The following FAT3 variants were observed in gnomAD, a reference collection of about 807,000 sequenced individuals.
The protein encoded by FAT3 is protocadherin Fat 3.
A neutral mutation model predicts 310.2 loss-of-function variants in FAT3; 95 were observed. That is an observed-to-expected ratio of 0.31 (90% CI 0.26 to 0.36). The LOEUF (loss-of-function observed/expected upper bound fraction) is 0.36, where lower values mean the gene tolerates loss of function less well. Ranked by LOEUF, FAT3 falls within the 10% of genes least tolerant of loss-of-function variation. FAT3 has a pLI of 1.00. For synonymous variants in FAT3, 2,314 were observed against 2,192.9 expected, an observed-to-expected ratio of 1.06 and a Z score of -1.54; for missense variants, 5,408 against 5,715.6, an observed-to-expected ratio of 0.95 and a Z score of 1.74.
chr11:92,240,263 T>A (rs1864620883), intron 1 of FAT3, among the ~76,000 whole-genome samples: 1 of 152,098 alleles, frequency 6.6e-6, no homozygotes. Flanking sequence ...AGGAAAGAAG[T>A]GAACTTGTGA....
chr11:92,793,232 G>A (rs12283385), intron 9 of FAT3, among the ~76,000 whole-genome samples: 2,182 of 152,240 alleles, frequency 0.014, 60 homozygotes, highest in African/African-American at 0.049. Context: ...GGATAGAGAA[G>A]AGAAAATAAA....
intron 3 of FAT3, among the ~76,000 whole-genome samples, chr11:92,628,896 GCACACACACACACT>G (rs1246767001): frequency 6.6e-6 from 1 of 151,882 alleles, no homozygotes; most frequent in Non-Finnish European, 1.5e-5. Flanking sequence ...GTGCACTCAT[GCACACACACACACT>G]CACACACACA....
intron 2 of FAT3, among the ~76,000 whole-genome samples, chr11:92,485,432 T>C (rs1952350905): frequency 6.6e-6 from 1 of 152,190 alleles, no homozygotes; most frequent in Non-Finnish European, 1.5e-5. Context: ...CATGCTTCTC[T>C]AGAGACAGGA....
At chr11:92,571,634 CACTT>C (rs1281049537) in intron 3 of FAT3, among the ~76,000 whole-genome samples, 1 of 152,214 alleles carries the variant, frequency 6.6e-6, no homozygotes, top group Admixed American at 6.5e-5. Flanking sequence ...GTTGAATACT[CACTT>C]ACGTGTCTTT....
At chr11:92,274,154 T>C (rs1033133105) in intron 1 of FAT3, among the ~76,000 whole-genome samples, 2 of 152,140 alleles carry the variant, frequency 1.3e-5, no homozygotes, top group Admixed American at 1.3e-4. Context: ...CCTAAGGTTC[T>C]TGAATTTTCA....
chr11:92,785,321 TAGTC>T (rs1234102356), intron 7 of FAT3, among the ~76,000 whole-genome samples: 4 of 152,168 alleles, frequency 2.6e-5, no homozygotes, highest in African/African-American at 7.2e-5. Flanking sequence ...TTTTTTCTAT[TAGTC>T]AGGAATCAGA....
intron 3 of FAT3, among the ~76,000 whole-genome samples, chr11:92,671,612 C>G (rs1809471155): frequency 6.6e-6 from 1 of 152,028 alleles, no homozygotes; most frequent in Admixed American, 6.6e-5. Flanking sequence ...ATTGCATTCA[C>G]TAGTTTTCCT....
At chr11:92,615,485 G>T (rs984777185) in intron 3 of FAT3, among the ~76,000 whole-genome samples, 6 of 152,088 alleles carry the variant, frequency 3.9e-5, no homozygotes, top group African/African-American at 1.4e-4. Flanking sequence ...GACCTCAGGT[G>T]ATCCACCCAC....
rs1948635777 is a variant in FAT3, at chr11:92,353,643, A to G, written c.1531A>G (p.Ile511Val). The G allele has an allele frequency of 6.2e-7, 1 of 1,613,908 alleles. No individual in the cohort carries two copies. The highest frequency in any genetic ancestry group is 1.3e-5 in the African/African-American group (1 of 75,060). The change falls in exon 2 of 28, where the codon ATC becomes GTC. Residue 511 changes from isoleucine (I) to valine (V), a missense_variant. Around this residue, in one of 5 missense-constraint regions of FAT3, gnomAD observed 4,588 missense variants for 4,809.8 expected, o/e 0.95. Transcript: ENST00000525166. The part of the protein sequence containing the change: ...KGENGYITYS[I>V]ASLNLLPFVI... The stretch of plus-strand genomic sequence containing the variant: ...AGAAAATGGGTACATCACCTATAGT[A>G]TCGCTAGCCTGAATTTGTTACCATT...
At position 92,800,246 on chromosome 11, in the gene FAT3, T is replaced by C; in HGVS notation, c.7233T>C (p.His2411=). The change falls in exon 10 of 28, where the codon CAT becomes CAC. Residue 2411 remains histidine, a synonymous_variant. Transcript: ENST00000525166. ...SYVSELAPRG[H]FVTCVQASDA... is the part of the protein sequence containing the mutation. ...TGAGTGAATTAGCCCCCCGGGGCCA[T>C]TTTGTAACCTGTGTACAAGCCTCTG... is the stretch of plus-strand genomic sequence containing the variant. The C allele has an allele frequency of 6.2e-7, 1 of 1,613,988 alleles. No individual in the cohort carries two copies. Among genetic ancestry groups the C allele is most frequent in the Non-Finnish European group, 8.5e-7 (1 of 1,179,868 alleles).
At chr11:92,239,660 A>G (rs1488657333) in intron 1 of FAT3, among the ~76,000 whole-genome samples, 2 of 152,144 alleles carry the variant, frequency 1.3e-5, no homozygotes, top group Admixed American at 6.6e-5. Context: ...ACTGTTATGC[A>G]GTTCCCTATG....
At chr11:92,889,387 T>C (rs886348371) in intron 26 of FAT3, 139 bp downstream of exon 26, 2 of 441,652 alleles carry the variant, frequency 4.5e-6, no homozygotes, top group East Asian at 6.8e-5. Context: ...TATTTATGGA[T>C]CTGTTTTAAA....
chr11:92,346,901 G>T (rs890589838), intron 1 of FAT3, among the ~76,000 whole-genome samples: 1 of 152,084 alleles, frequency 6.6e-6, no homozygotes, highest in African/African-American at 2.4e-5. Flanking sequence ...CGTAGAGTAG[G>T]TTGTAAATTT....
At chr11:92,745,397 G>A (rs1044486417) in intron 4 of FAT3, among the ~76,000 whole-genome samples, 5 of 152,142 alleles carry the variant, frequency 3.3e-5, no homozygotes, top group Non-Finnish European at 7.3e-5. Flanking sequence ...CTGTTTGAAA[G>A]GGGGAGTGAG....
rs116330690 is a variant in FAT3 at position 92,884,309 on chromosome 11, C to T, written c.12937+916C>T. 8.5e-3 allele frequency among the ~76,000 whole-genome samples: 1,292 copies of T among 152,190 alleles called. 21 individuals are homozygous for T. The highest frequency in any genetic ancestry group is 0.029 in the African/African-American group (1,216 of 41,502). ...TTTTTTAAAGCTGGCTCTGGCTGATCCTAGGAGAAGAAATTGAACAGGCTT... is the reference window on the plus strand; with the variant it reads ...TTTTTTAAAGCTGGCTCTGGCTGATTCTAGGAGAAGAAATTGAACAGGCTT... On this transcript the variant is annotated intron_variant, in intron 24 of 27. Transcript: ENST00000525166.
At chr11:92,282,672 AG>A (rs1298862319) in intron 1 of FAT3, among the ~76,000 whole-genome samples, 1 of 146,316 alleles carries the variant, frequency 6.8e-6, no homozygotes, top group African/African-American at 2.6e-5. Flanking sequence ...AAAAAAAAAA[AG>A]GATGTTGTAA....
In FAT3 at chr11:92,829,243, A is replaced by G. The variant is rs558336329; in HGVS notation, c.9482-2379A>G. On this transcript the variant is annotated intron_variant, in intron 13 of 27. Coordinates refer to ENST00000525166, the MANE Select transcript of FAT3 (RefSeq NM_001367949.2). ...AAGTCCTTGGTTAATGCATCAGTGA[A>G]ATGGATTTTGTAGTTCCCAGCACAT... is the stretch of plus-strand genomic sequence containing the variant. Among the ~76,000 whole-genome samples, 11 of 152,294 alleles carry G rather than the reference A, an allele frequency of 7.2e-5. No homozygotes were observed. The South Asian group carries it at 2.1e-3, about 29-fold the overall frequency.
intron 4 of FAT3, among the ~76,000 whole-genome samples, chr11:92,698,277 AC>A (rs1943998307): frequency 6.6e-6 from 1 of 152,166 alleles, no homozygotes; most frequent in Admixed American, 6.5e-5. Flanking sequence ...ACACACACAC[AC>A]GTGCACATGC....
At chr11:92,732,970 C>T (rs1314297080) in intron 4 of FAT3, among the ~76,000 whole-genome samples, 2 of 152,194 alleles carry the variant, frequency 1.3e-5, no homozygotes, top group South Asian at 2.1e-4. Context: ...TGTTAAAAAA[C>T]ACTGGAAGTT....
Sources: gnomAD v4.1 joint callset for allele counts (sites outside exome capture counted in the v4.1 genomes callset) on GRCh38, gnomAD v4.1.1 for gene constraint, gnomAD v4.1.1 regional missense constraint, MANE v1.5 for transcripts, NCBI Gene and HGNC (gene_info 2026-07-23, HGNC 2026-07-21) for gene names.